Variants in ZNF329 observed in about 807,000 individuals in gnomAD.
ZNF329 encodes zinc finger protein 329.
ZNF329 carries 15 observed loss-of-function variants against 26.6 expected under a neutral mutation model. The observed-to-expected ratio is 0.56, with a 90% CI of 0.38 to 0.87. The LOEUF (loss-of-function observed/expected upper bound fraction) is 0.87, where lower values mean the gene tolerates loss of function less well. Among genes scored for constraint, ZNF329 ranks in the 40% least tolerant of loss-of-function variants. The pLI is 0.00. For missense variants in ZNF329, 651 were observed against 651.9 expected, an observed-to-expected ratio of 1.00 and a Z score of 0.02; for synonymous variants, 239 against 233.5, an observed-to-expected ratio of 1.02 and a Z score of -0.21.
At position 58,128,041 on chromosome 19, in the gene ZNF329, C is replaced by T. The variant is rs1283686598; in HGVS notation, c.1463G>A (p.Cys488Tyr). Reference protein sequence around the residue: ...TKETPYQCPECGKSFKQNSHL... With the variant: ...TKETPYQCPEYGKSFKQNSHL... ...AGAGTTCTGCTTGAAGGACTTCCCA[C>T]ATTCTGGACACTGATATGGGGTCTC... The change falls in exon 4 of 4, where the codon TGT becomes TAT. Residue 488 changes from cysteine (C) to tyrosine (Y), a missense_variant. Physicochemically the swap from Cys to Tyr is radical, Grantham distance 194 (BLOSUM62 -2). Coordinates refer to ENST00000598312, the MANE Select transcript of ZNF329 (RefSeq NM_024620.4). The T allele has an allele frequency of 6.2e-7, 1 of 1,613,810 alleles. No individual in the cohort carries two copies. Among genetic ancestry groups the T allele is most frequent in the African/African-American group, 1.3e-5 (1 of 74,904 alleles).
intron 1 of ZNF329, among the ~76,000 whole-genome samples, chr19:58,148,003 T>C (rs2146133541): frequency 6.6e-6 from 1 of 152,250 alleles, no homozygotes; most frequent in Admixed American, 6.5e-5. Context: ...GCCGTGTCTG[T>C]GCAGAAAGTA....
chr19:58,127,911 T>C lies in ZNF329; in HGVS notation c.1593A>G (p.Arg531=). ...CCATGGGTTGCTCTCCCAGGTGTGCTCTTTGATGTCGAACAAGGGATGAGC... is the reference window on the plus strand; with the variant it reads ...CCATGGGTTGCTCTCCCAGGTGTGCCCTTTGATGTCGAACAAGGGATGAGC... ...QKSSSLVRHQ[R]AHLGEQPMET is the part of the protein sequence containing the mutation. The change falls in exon 4 of 4, where the codon AGA becomes AGG. Residue 531 remains arginine (R), a synonymous_variant. Coordinates refer to ENST00000598312, the MANE Select transcript of ZNF329 (RefSeq NM_024620.4). 1 of 1,606,704 alleles carries C rather than the reference T, an allele frequency of 6.2e-7. No homozygotes were observed. Among genetic ancestry groups the C allele is most frequent in the Non-Finnish European group, 8.5e-7 (1 of 1,176,234 alleles).
intron 1 of ZNF329, among the ~76,000 whole-genome samples, chr19:58,144,352 A>ATATCTATCTATCTATC (rs112779820): frequency 5.3e-5 from 7 of 132,376 alleles, no homozygotes; most frequent in African/African-American, 1.2e-4. Context: ...TTTTACATCT[A>ATATCTATCTATCTATC]TATCTATCTA....
At chr19:58,147,936 G>GT (rs2075362636) in intron 1 of ZNF329, among the ~76,000 whole-genome samples, 1 of 152,102 alleles carries the variant, frequency 6.6e-6, no homozygotes, top group African/African-American at 2.4e-5. Flanking sequence ...GACAATGGCG[G>GT]TTTTGTGGAA....
intron 1 of ZNF329, among the ~76,000 whole-genome samples, chr19:58,150,435 G>A (rs2075424606): frequency 6.6e-6 from 1 of 152,226 alleles, no homozygotes; most frequent in African/African-American, 2.4e-5. Flanking sequence ...CTCTATGGGA[G>A]GGCGGGCTAG....
chr19:58,141,370 C>G (rs955754350), intron 3 of ZNF329, among the ~76,000 whole-genome samples: 3 of 152,022 alleles, frequency 2.0e-5, no homozygotes, highest in Admixed American at 2.0e-4. Flanking sequence ...GCGATCTCAG[C>G]TCACTGCAAC....
chr19:58,150,923 G>A (rs912249824), upstream of ZNF329: 4 of 152,382 alleles, frequency 2.6e-5, no homozygotes, highest in Non-Finnish European at 5.9e-5. Context: ...CGGACGCGCA[G>A]GCATTTACTT....
intron 3 of ZNF329, among the ~76,000 whole-genome samples, chr19:58,131,645 G>C (rs888100977): frequency 1.3e-5 from 2 of 152,104 alleles, no homozygotes; most frequent in Non-Finnish European, 2.9e-5. Flanking sequence ...AAGAACTACA[G>C]AGGATTCTTA....
upstream of ZNF329, among the ~76,000 whole-genome samples, chr19:58,151,885 C>A (rs777083821): frequency 6.6e-6 from 1 of 152,116 alleles, no homozygotes; most frequent in East Asian, 1.9e-4. Flanking sequence ...TAGGAAAAAA[C>A]AAATCAAAAC....
In ZNF329 at chr19:58,129,162, A is replaced by C; in HGVS notation, c.342T>G (p.Tyr114Ter). ...CACTGTCACCAGTTCTCTTATCTGC[A>C]TAACTTTTAGGATAGCTGGGTAAGG... ...DPALPSYPKS[Y>*]ADKRTGDSDA... The change falls in exon 4 of 4, where the codon TAT becomes TAG. Residue 114 changes from tyrosine (Y) to a stop codon, truncating the protein, a stop_gained. Transcript: ENST00000598312. LOFTEE classifies it high-confidence loss of function. The C allele has an allele frequency of 6.2e-7, 1 of 1,614,210 alleles. No individual in the cohort carries two copies.
intron 1 of ZNF329, among the ~76,000 whole-genome samples, chr19:58,144,380 C>CTA (rs913740807): frequency 6.7e-4 from 45 of 66,768 alleles, no homozygotes; most frequent in African/African-American, 1.4e-3. Context: ...ATCTATCTAT[C>CTA]TATATATATA....
At chr19:58,136,684 CAAAAAAAAA>C (rs56293356) in intron 3 of ZNF329, 63 of 88,652 alleles carry the variant, frequency 7.1e-4, no homozygotes, top group Admixed American at 2.0e-3. Context: ...AGACTGTCTC[CAAAAAAAAA>C]AAAAAAAAAA....
chr19:58,154,593 T>G (rs559151451), upstream of ZNF329: 2 of 152,492 alleles, frequency 1.3e-5, no homozygotes, highest in South Asian at 4.1e-4. Flanking sequence ...ATTCCACAAC[T>G]ACTAAATCAA....
Position 58,129,201 on chromosome 19 carries a change from C to T in ZNF329, c.303G>A (p.Leu101=), listed in dbSNP as rs752638533. 14 of 1,614,064 alleles carry T rather than the reference C, an allele frequency of 8.7e-6. No homozygotes were observed. The African/African-American group carries it at 1.5e-4, about 17-fold the overall frequency. The part of the protein sequence containing the change: ...FHAPDSNVSG[L]DCDPALPSYP... ...AGCTGGGTAAGGCGGGGTCACAATC[C>T]AGACCACTAACATTTGAGTCAGGTG... is the stretch of plus-strand genomic sequence containing the variant. The change falls in exon 4 of 4, where the codon CTG becomes CTA. Residue 101 remains leucine (L), a synonymous_variant. Coordinates refer to ENST00000598312, the MANE Select transcript of ZNF329 (RefSeq NM_024620.4).
At position 58,127,691 on chromosome 19, in the gene ZNF329, CTAAGT is replaced by C; in HGVS notation, c.*182_*186del. 1.8e-6 allele frequency: 1 copy of C among 559,646 alleles called. No individual in the cohort carries two copies. The highest frequency in any genetic ancestry group is 3.1e-6 in the Non-Finnish European group (1 of 325,224). 34.7% of individuals were successfully genotyped at this position (559,646 alleles called of 1,614,324 possible). ...CCCCAAAGACTTTTCTGCCCTCATC[CTAAGT>C]TGTCTCTGGAGTTCCCCAATGAGCA... On this transcript the variant is annotated 3_prime_UTR_variant, in exon 4 of 4. Coordinates refer to ENST00000598312, the MANE Select transcript of ZNF329 (RefSeq NM_024620.4).
At chr19:58,136,805 G>A (rs2075080197) in intron 3 of ZNF329, 1 of 153,448 alleles carries the variant, frequency 6.5e-6, no homozygotes, top group South Asian at 2.1e-4. Context: ...ATTTTCTTTA[G>A]GCCATCGCTG....
At chr19:58,146,069 A>G (rs949951605) in intron 1 of ZNF329, among the ~76,000 whole-genome samples, 7 of 152,194 alleles carry the variant, frequency 4.6e-5, no homozygotes, top group African/African-American at 1.4e-4. Flanking sequence ...TGACAAGTCA[A>G]TGTAACACAG....
chr19:58,137,783 G>A (rs149447222), intron 3 of ZNF329, among the ~76,000 whole-genome samples: 2,634 of 134,196 alleles, frequency 0.02, 79 homozygotes, highest in African/African-American at 0.07. Context: ...GGGCAACACA[G>A]TGAGACCCCA....
chr19:58,148,365 G>C (rs368510924), intron 1 of ZNF329, among the ~76,000 whole-genome samples: 2,501 of 138,478 alleles, frequency 0.018, 95 homozygotes, highest in African/African-American at 0.068. Flanking sequence ...ATCCCCCTCT[G>C]CGAGAAACAC....
Sources: gnomAD v4.1 joint callset for allele counts (sites outside exome capture counted in the v4.1 genomes callset) on GRCh38, gnomAD v4.1.1 for gene constraint, MANE v1.5 for transcripts, NCBI Gene and HGNC (gene_info 2026-07-23, HGNC 2026-07-21) for gene names.